QTMAN: variants seen among roughly 807,000 people sequenced by gnomAD.
The protein encoded by QTMAN is tRNA-queuosine alpha-mannosyltransferase.
the QTMAN span, among the ~76,000 whole-genome samples, chr2:144,227,304 A>C: frequency 1.3e-5 from 2 of 152,166 alleles, no homozygotes; most frequent in African/African-American, 2.4e-5. Context: ...AAAAGCAATC[A>C]CATTTCTTAT....
chr2:143,954,126 C>G, the QTMAN span, among the ~76,000 whole-genome samples: 1 of 151,942 alleles, frequency 6.6e-6, no homozygotes, highest in African/African-American at 2.4e-5. Context: ...AGGGTACACA[C>G]AGAAATTCTT....
chr2:144,122,509 G>A, the QTMAN span, among the ~76,000 whole-genome samples: 1 of 152,082 alleles, frequency 6.6e-6, no homozygotes, highest in Non-Finnish European at 1.5e-5. Context: ...TTCTTCAGGT[G>A]TTTCACTTAA....
chr2:144,270,089 G>A, the QTMAN span, among the ~76,000 whole-genome samples: 1 of 151,946 alleles, frequency 6.6e-6, no homozygotes, highest in Non-Finnish European at 1.5e-5. Flanking sequence ...GAACTCTAAT[G>A]GACATATTTA....
the QTMAN span, among the ~76,000 whole-genome samples, chr2:144,018,848 C>G: frequency 7.2e-5 from 11 of 152,104 alleles, no homozygotes; most frequent in Non-Finnish European, 1.2e-4. Flanking sequence ...AGATGAGAAC[C>G]CAGCCCTAGA....
At chr2:144,184,003 C>T in the QTMAN span, among the ~76,000 whole-genome samples, 1 of 152,148 alleles carries the variant, frequency 6.6e-6, no homozygotes, top group East Asian at 1.9e-4. Flanking sequence ...AGCGGCAATA[C>T]GCACGGCTCG....
the QTMAN span, among the ~76,000 whole-genome samples, chr2:144,030,508 G>A: frequency 2.6e-5 from 4 of 152,106 alleles, no homozygotes; most frequent in Admixed American, 6.5e-5. Context: ...CAGGAATCAT[G>A]TCTTACATAT....
At chr2:144,009,009 A>C in the QTMAN span, among the ~76,000 whole-genome samples, 3 of 152,038 alleles carry the variant, frequency 2.0e-5, no homozygotes, top group Non-Finnish European at 4.4e-5. Flanking sequence ...AATGAGGCAC[A>C]TGGGCACAGT....
chr2:144,226,104 G>A, the QTMAN span, among the ~76,000 whole-genome samples: 1 of 152,208 alleles, frequency 6.6e-6, no homozygotes, highest in South Asian at 2.1e-4. Context: ...TATTACTATG[G>A]TATTCAGATC....
chr2:144,251,879 CAAT>C, the QTMAN span, among the ~76,000 whole-genome samples: 1 of 152,018 alleles, frequency 6.6e-6, no homozygotes, highest in Non-Finnish European at 1.5e-5. Flanking sequence ...TCTTAAAACT[CAAT>C]AATAAGTAAA....
chr2:144,035,502 A>G, the QTMAN span, among the ~76,000 whole-genome samples: 4 of 152,224 alleles, frequency 2.6e-5, no homozygotes, highest in African/African-American at 9.6e-5. Context: ...AGAAAGCATT[A>G]TATTTTTAAT....
chr2:144,149,036 C>T, the QTMAN span, among the ~76,000 whole-genome samples: 1 of 151,838 alleles, frequency 6.6e-6, no homozygotes, highest in Non-Finnish European at 1.5e-5. Context: ...AATATGCCCA[C>T]AAAAGGAATG....
At chr2:144,317,791 C>G in the QTMAN span, among the ~76,000 whole-genome samples, 1 of 152,096 alleles carries the variant, frequency 6.6e-6, no homozygotes, top group Non-Finnish European at 1.5e-5. Flanking sequence ...ATTAATGGCT[C>G]AAGAACCATC....
At chr2:144,203,202 C>T in the QTMAN span, among the ~76,000 whole-genome samples, 15 of 151,204 alleles carry the variant, frequency 9.9e-5, no homozygotes, top group East Asian at 1.6e-3. Flanking sequence ...CACGTGCGCA[C>T]GCACACATGT....
At chr2:144,199,465 G>A in the QTMAN span, among the ~76,000 whole-genome samples, 8,852 of 152,180 alleles carry the variant, frequency 0.058, 356 homozygotes, top group South Asian at 0.16. Flanking sequence ...CCCATGTCCT[G>A]TAGAGAGAGA....
the QTMAN span, among the ~76,000 whole-genome samples, chr2:144,115,311 T>C: frequency 5.9e-5 from 9 of 152,166 alleles, no homozygotes; most frequent in East Asian, 1.7e-3. Flanking sequence ...TGATTCAAAG[T>C]AAGAATGCTC....
chr2:143,953,935 G>A, the QTMAN span, among the ~76,000 whole-genome samples: 1 of 151,778 alleles, frequency 6.6e-6, no homozygotes. Context: ...ATTTTCCTAT[G>A]TTAAGTGAAA....
At chr2:144,323,596 G>T in the QTMAN span, among the ~76,000 whole-genome samples, 1 of 152,130 alleles carries the variant, frequency 6.6e-6, no homozygotes, top group African/African-American at 2.4e-5. Flanking sequence ...TCCTGAAAGG[G>T]TCTCAGTGAT....
At chr2:144,016,420 T>C in the QTMAN span, among the ~76,000 whole-genome samples, 2 of 152,174 alleles carry the variant, frequency 1.3e-5, no homozygotes, top group Non-Finnish European at 1.5e-5. Flanking sequence ...TATAGGACAA[T>C]AAAATATTTT....
the QTMAN span, among the ~76,000 whole-genome samples, chr2:144,227,889 C>T: frequency 6.6e-5 from 10 of 152,240 alleles, no homozygotes; most frequent in Non-Finnish European, 1.3e-4. Flanking sequence ...GGCTAGAAAG[C>T]GAAAACATTT....
Sources: gnomAD v4.1 joint callset for allele counts (sites outside exome capture counted in the v4.1 genomes callset) on GRCh38, gnomAD v4.1.1 for gene constraint, MANE v1.5 for transcripts, NCBI Gene and HGNC (gene_info 2026-07-23, HGNC 2026-07-21) for gene names.